The following GAS2 variants were observed in gnomAD, a reference collection of about 807,000 sequenced individuals.
The protein encoded by GAS2 is growth arrest-specific protein 2.
In GAS2, 20 loss-of-function variants were observed where a neutral mutation model predicts 37.5. The observed-to-expected ratio is 0.53, with a 90% CI of 0.37 to 0.77. The LOEUF is 0.77. Among genes scored for constraint, GAS2 ranks in the 30% least tolerant of loss-of-function variants. The pLI is 0.00. For synonymous variants in GAS2, 144 were observed against 132.2 expected (o/e 1.09, Z -0.61); for missense variants, 336 against 373.4 (o/e 0.90, Z 0.82).
rs750350835 is a variant in GAS2 at position 22,675,018 on chromosome 11, A to C, written c.145+4A>C. 2 of 1,612,496 alleles carry C rather than the reference A, an allele frequency of 1.2e-6. No individual in the cohort carries two copies. Among genetic ancestry groups the C allele is most frequent in the East Asian group, 4.5e-5 (2 of 44,864 alleles). ...TTGTGGTTAACCAATCTATTAGGTA[A>C]GGTTATAAGATCTCATTTTGTGAGC... On this transcript the variant is annotated splice_donor_region_variant and intron_variant, in intron 2 of 7. Transcript: ENST00000454584.
chr11:22,737,412 A>T (rs921929257), intron 4 of GAS2, among the ~76,000 whole-genome samples: 13 of 152,176 alleles, frequency 8.5e-5, no homozygotes, highest in Non-Finnish European at 1.9e-4. Flanking sequence ...GTATTAATTA[A>T]TTGAATAAAA....
At chr11:22,685,952 C>T (rs1282709656) in intron 3 of GAS2, among the ~76,000 whole-genome samples, 163 bp downstream of exon 3, 2 of 152,154 alleles carry the variant, frequency 1.3e-5, no homozygotes, top group Admixed American at 1.3e-4. Context: ...ATGTTATTTG[C>T]ACTCTAATTA....
intron 1 of GAS2, among the ~76,000 whole-genome samples, chr11:22,638,527 G>T (rs949521240): frequency 6.6e-6 from 1 of 151,876 alleles, no homozygotes; most frequent in Non-Finnish European, 1.5e-5. Context: ...TGTATTTTTA[G>T]TGGAGACAGG....
chr11:22,638,694 A>G (rs748143055), intron 1 of GAS2, among the ~76,000 whole-genome samples: 3 of 152,176 alleles, frequency 2.0e-5, no homozygotes, highest in Non-Finnish European at 2.9e-5. Flanking sequence ...TATGCAACTG[A>G]TGGACCAATG....
chr11:22,648,441 T>C (rs1848731267), intron 1 of GAS2, among the ~76,000 whole-genome samples: 1 of 152,192 alleles, frequency 6.6e-6, no homozygotes, highest in Non-Finnish European at 1.5e-5. Context: ...TTTAAAGTAG[T>C]TTTTTCCAAT....
At chr11:22,763,164 C>A (rs1389008176) in intron 7 of GAS2, among the ~76,000 whole-genome samples, 1 of 152,190 alleles carries the variant, frequency 6.6e-6, no homozygotes, top group Non-Finnish European at 1.5e-5. Context: ...TAAATTAAAT[C>A]ATCACAGATC....
rs537469712 is a variant in GAS2 at position 22,783,848 on chromosome 11, C to T, written c.723+27895C>T. 4.6e-5 allele frequency among the ~76,000 whole-genome samples: 7 copies of T among 152,242 alleles called. No individual in the cohort carries two copies. The East Asian group carries it at 5.8e-4, about 13-fold the overall frequency. ...TATGTGTAAGGAAGGAGTCCAGTTT[C>T]GTTCTTCTGTGTATGCTTAGCCAGC... is the stretch of plus-strand genomic sequence containing the variant. On this transcript the variant is annotated intron_variant, in intron 7 of 7. Transcript: ENST00000454584.
chr11:22,655,747 A>G, intron 1 of GAS2, among the ~76,000 whole-genome samples: 1 of 152,228 alleles, frequency 6.6e-6, no homozygotes, highest in East Asian at 1.9e-4. Context: ...CTCCTCATTC[A>G]GCAAACAAAC....
chr11:22,778,131 A>C (rs1041421054), intron 7 of GAS2, among the ~76,000 whole-genome samples: 1 of 152,212 alleles, frequency 6.6e-6, no homozygotes, highest in Non-Finnish European at 1.5e-5. Context: ...TTAGTTGAAA[A>C]GTAATCTTTC....
intron 7 of GAS2, among the ~76,000 whole-genome samples, chr11:22,794,885 G>A (rs997052376): frequency 3.9e-5 from 6 of 152,204 alleles, no homozygotes; most frequent in African/African-American, 1.4e-4. Context: ...TCTCTACCTT[G>A]TTCTGTTGGA....
intron 7 of GAS2, among the ~76,000 whole-genome samples, chr11:22,777,756 T>C (rs1855335105): frequency 6.6e-6 from 1 of 152,186 alleles, no homozygotes; most frequent in Non-Finnish European, 1.5e-5. Flanking sequence ...AGGGCCTTGA[T>C]AAATCCAAAA....
chr11:22,763,162 A>T (rs1854488963), intron 7 of GAS2, among the ~76,000 whole-genome samples: 1 of 152,242 alleles, frequency 6.6e-6, no homozygotes, highest in African/African-American at 2.4e-5. Context: ...TTTAAATTAA[A>T]TCATCACAGA....
intron 1 of GAS2, among the ~76,000 whole-genome samples, chr11:22,645,560 G>T (rs185855087): frequency 6.6e-6 from 1 of 151,792 alleles, no homozygotes; most frequent in East Asian, 1.9e-4. Context: ...ATTTATATCA[G>T]GCTAAATTTG....
At chr11:22,760,453 T>C (rs376995291) in intron 7 of GAS2, among the ~76,000 whole-genome samples, 4 of 152,314 alleles carry the variant, frequency 2.6e-5, no homozygotes, top group African/African-American at 9.6e-5. Flanking sequence ...TTCATACATG[T>C]CCTGAAGTTT....
At chr11:22,715,488 A>G (rs1160836002) in intron 3 of GAS2, among the ~76,000 whole-genome samples, 2 of 150,174 alleles carry the variant, frequency 1.3e-5, no homozygotes, top group African/African-American at 2.4e-5. Context: ...AAAAAAGAAA[A>G]GAAAAGAAAA....
At chr11:22,640,010 G>T (rs1249572029) in intron 1 of GAS2, among the ~76,000 whole-genome samples, 2 of 152,134 alleles carry the variant, frequency 1.3e-5, no homozygotes, top group Non-Finnish European at 2.9e-5. Flanking sequence ...TAGCTAGAAT[G>T]GGCATACATT....
intron 1 of GAS2, among the ~76,000 whole-genome samples, chr11:22,668,549 G>A (rs2133860951): frequency 7.1e-6 from 1 of 140,200 alleles, no homozygotes; most frequent in South Asian, 2.2e-4. Flanking sequence ...AAGTTCACAT[G>A]GCAAAAAAAT....
intron 7 of GAS2, among the ~76,000 whole-genome samples, chr11:22,810,139 G>A (rs893876302): frequency 6.6e-6 from 1 of 152,164 alleles, no homozygotes; most frequent in Non-Finnish European, 1.5e-5. Flanking sequence ...GGAGCTAGGT[G>A]ATCAGTCTCA....
At position 22,716,636 on chromosome 11, in the gene GAS2, T is replaced by C. The variant is rs201436210; in HGVS notation, c.268-9656T>C. 3.5e-5 allele frequency among the ~76,000 whole-genome samples: 4 copies of C among 114,856 alleles called. No individual in the cohort carries two copies. In the East Asian group the frequency reaches 1.0e-3, roughly 29 times the overall value. 75.3% of individuals were successfully genotyped at this position (114,856 alleles called of 152,430 possible). A position where few individuals can be genotyped will look rare whatever the true frequency, so the allele number is the denominator to read the frequency against. ...GCCTGGGTAACACACACAGTAAGTC[T>C]CTGTCTCAAAAAAAAAAAAAAGAAA... On this transcript the variant is annotated intron_variant, in intron 3 of 7. Transcript: ENST00000454584.
Sources: gnomAD v4.1 joint callset for allele counts (sites outside exome capture counted in the v4.1 genomes callset) on GRCh38, gnomAD v4.1.1 for gene constraint, MANE v1.5 for transcripts, NCBI Gene and HGNC (gene_info 2026-07-23, HGNC 2026-07-21) for gene names.